ALS2CL: variants seen among roughly 807,000 people sequenced by gnomAD.
ALS2CL encodes ALS2 C-terminal-like protein.
Under a neutral mutation model 127.9 loss-of-function variants are expected in ALS2CL, and 112 were observed. The ratio of observed to expected loss-of-function variants is 0.88; its 90% CI spans 0.75 to 1.02. ALS2CL has a LOEUF of 1.02. Among genes scored for constraint, ALS2CL ranks in the 50% least tolerant of loss-of-function variants. The pLI is 0.00. For synonymous variants in ALS2CL, 519 were observed against 527.6 expected, an observed-to-expected ratio of 0.98 and a Z score of 0.22; for missense variants, 1,174 against 1,236.7, an observed-to-expected ratio of 0.95 and a Z score of 0.76.
Position 46,674,652 on chromosome 3 carries a change from C to T in ALS2CL, c.2343G>A (p.Glu781=), listed in dbSNP as rs758556450. The change falls in exon 21 of 26, where the codon GAG becomes GAA. Residue 781 remains glutamate (E), a synonymous_variant. Coordinates refer to ENST00000318962, the MANE Select transcript of ALS2CL (RefSeq NM_147129.5). ...CCTGGCTGTAGAAGCTGTCCTCCCG[C>T]TCATGAAGCAGCAGGTAGAGCGTGA... ...ELFTLYLLLH[E]REDSFYSQGI... The T allele has an allele frequency of 8.1e-6, 13 of 1,614,036 alleles. No individual in the cohort carries two copies. The highest frequency in any genetic ancestry group is 1.3e-5 in the African/African-American group (1 of 74,926).
chr3:46,672,215 G>A lies in ALS2CL; in HGVS notation c.2473-14C>T. The A allele has an allele frequency of 6.2e-7, 1 of 1,613,944 alleles. No homozygotes were observed. Among genetic ancestry groups the A allele is most frequent in the Non-Finnish European group, 8.5e-7 (1 of 1,179,986 alleles). ...CAGGGAGTACCTCTGCATGGTGGAG[G>A]GAGTGGGCTGGATGAGGCCATGGCC... On this transcript the variant is annotated splice_polypyrimidine_tract_variant and intron_variant, in intron 22 of 25. Transcript: ENST00000318962.
chr3:46,684,036 G>T lies in ALS2CL; in HGVS notation c.798C>A (p.Val266=). The change falls in exon 8 of 26, where the codon GTC becomes GTA. Residue 266 remains valine (V), a synonymous_variant. Transcript: ENST00000318962. The part of the protein sequence containing the change: ...DALVLLQGHN[V]HTFDLKLVWV... Reference sequence around the variant, plus strand: ...ACACCAGCTTCAGATCAAAGGTGTGGACATTGTGGCCCTGGAAGAGGATGG... The same window carrying T: ...ACACCAGCTTCAGATCAAAGGTGTGTACATTGTGGCCCTGGAAGAGGATGG... 5.1e-6 allele frequency: 8 copies of T among 1,559,240 alleles called. No homozygotes were observed. Among genetic ancestry groups the T allele is most frequent in the Non-Finnish European group, 7.0e-6 (8 of 1,150,892 alleles).
intron 1 of ALS2CL, 131 bp from the exon 2 acceptor site, chr3:46,689,596 C>T: frequency 1.6e-6 from 1 of 610,694 alleles, no homozygotes; most frequent in Non-Finnish European, 2.8e-6. Context: ...GCCCAGATCG[C>T]CTCAAAGGGG....
Position 46,678,286 on chromosome 3 carries a change from G to T in ALS2CL, c.1730C>A (p.Pro577Gln), listed in dbSNP as rs764709547. The T allele has an allele frequency of 1.9e-6, 3 of 1,604,866 alleles. 1 individual carries two copies. Among genetic ancestry groups the T allele is most frequent in the Middle Eastern group, 1.7e-4 (1 of 6,002 alleles). The change falls in exon 16 of 26, where the codon CCA (proline) becomes CAA (glutamine). Residue 577 changes from proline to glutamine, a missense_variant. Pro to Gln is a moderately conservative substitution (Grantham distance 76). Coordinates refer to ENST00000318962, the MANE Select transcript of ALS2CL (RefSeq NM_147129.5). ...TQGVLDTAALPPDPSSTCKRQ... is the reference protein window; with the variant it reads ...TQGVLDTAALQPDPSSTCKRQ... ...CTTGCAGGTACTGCTCGGGTCTGGT[G>T]GGAGGGCAGCCGTGTCCAGCACACC...
intron 14 of ALS2CL, chr3:46,679,511 AC>A (rs945168016): frequency 1.7e-5 from 6 of 344,696 alleles, no homozygotes; most frequent in Non-Finnish European, 3.2e-5. Flanking sequence ...CCCAAATGAC[AC>A]CCTCCGCCCT....
chr3:46,671,171 G>A (rs1167021688), intron 25 of ALS2CL, 107 bp from the exon 26 acceptor site: 3 of 1,231,286 alleles, frequency 2.4e-6, no homozygotes, highest in Non-Finnish European at 3.6e-6. Flanking sequence ...CAACCCAGAG[G>A]AGGCGTGTCT....
At position 46,681,082 on chromosome 3, in the gene ALS2CL, C is replaced by T. The variant is rs539188740; in HGVS notation, c.1436+164G>A. ...CCCTGCAGTCAGCGTGACCAAGATT[C>T]GCTCAGCCTGAGCCTCCGCAGCAAC... On this transcript the variant is annotated intron_variant, in intron 13 of 25. Coordinates refer to ENST00000318962, the MANE Select transcript of ALS2CL (RefSeq NM_147129.5). The surrounding 1 kb of genome is among the most constrained non-coding windows in gnomAD (Gnocchi z 4.9). 1.2e-5 allele frequency: 14 copies of T among 1,158,108 alleles called. No homozygotes were observed. The East Asian group carries it at 1.7e-4, about 14-fold the overall frequency. The allele number at this position is 1,158,108 out of a possible 1,614,324, so 71.7% of individuals were successfully genotyped here.
intron 2 of ALS2CL, 48 bp downstream of exon 2, chr3:46,689,290 G>A (rs964733149): frequency 4.4e-6 from 7 of 1,585,860 alleles, no homozygotes; most frequent in African/African-American, 4.0e-5. Context: ...CTGTCCCTGG[G>A]ATCATTCCTC....
At chr3:46,671,705 T>C in intron 24 of ALS2CL, 121 bp from the exon 25 acceptor site, 1 of 1,557,328 alleles carries the variant, frequency 6.4e-7, no homozygotes, top group Middle Eastern at 1.7e-4. Flanking sequence ...TGGTCCTCAC[T>C]CTACCTCTAG....
At chr3:46,691,467 G>A (rs1021233336) in intron 1 of ALS2CL, among the ~76,000 whole-genome samples, 6 of 151,988 alleles carry the variant, frequency 3.9e-5, no homozygotes, top group East Asian at 1.9e-4. Flanking sequence ...GACCCCAGCC[G>A]ACACCATACC....
intron 10 of ALS2CL, 131 bp from the exon 11 acceptor site, chr3:46,682,225 TC>T (rs1289499708): frequency 2.1e-6 from 2 of 949,708 alleles, no homozygotes; most frequent in African/African-American, 3.2e-5. Flanking sequence ...AGCCCTCTTG[TC>T]TGAGCTCCGA....
chr3:46,676,503 G>T, intron 18 of ALS2CL, 101 bp from the exon 19 acceptor site: 1 of 1,560,528 alleles, frequency 6.4e-7, no homozygotes, highest in South Asian at 1.2e-5. Flanking sequence ...TCATACACGA[G>T]AACACTGAGG....
rs774696908 is a variant in ALS2CL at position 46,681,470 on chromosome 3, C to G, written c.1274+30G>C. ...AGCTCAGCCCAGAGGATGGGCCCAG[C>G]CCATGAACCCCCCAGCCAGGGTCAC... is the stretch of plus-strand genomic sequence containing the variant. On this transcript the variant is annotated intron_variant, in intron 12 of 25. Coordinates refer to ENST00000318962, the MANE Select transcript of ALS2CL (RefSeq NM_147129.5). This position sits in a 1 kb window ranked among gnomAD's most constrained non-coding sequence, Gnocchi z 4.9. 1.9e-6 allele frequency: 3 copies of G among 1,613,878 alleles called. No individual in the cohort carries two copies. The highest frequency in any genetic ancestry group is 3.3e-5 in the Admixed American group (2 of 60,012).
chr3:46,682,464 C>G (rs1388616216), intron 10 of ALS2CL, among the ~76,000 whole-genome samples: 1 of 152,158 alleles, frequency 6.6e-6, no homozygotes, highest in East Asian at 1.9e-4. Flanking sequence ...TTTTTTCTGT[C>G]CTTTTGTTCA....
rs994712623 is a variant in ALS2CL, at chr3:46,681,185, C to T, written c.1436+61G>A. On this transcript the variant is annotated intron_variant, in intron 13 of 25. Coordinates refer to ENST00000318962, the MANE Select transcript of ALS2CL (RefSeq NM_147129.5). This position sits in a 1 kb window ranked among gnomAD's most constrained non-coding sequence, Gnocchi z 4.9. ...ACAGGAGCCTGTGTCCTGCAACAAT[C>T]TGGTCTGTGAGGGCCCGGTCCACCC... is the stretch of plus-strand genomic sequence containing the variant. 5 of 1,608,874 alleles carry T rather than the reference C, an allele frequency of 3.1e-6. No individual in the cohort carries two copies. The highest frequency in any genetic ancestry group is 1.6e-4 in the Middle Eastern group (1 of 6,072).
intron 11 of ALS2CL, 26 bp downstream of exon 11, chr3:46,682,003 C>T (rs1263540278): frequency 1.2e-6 from 2 of 1,612,916 alleles, no homozygotes; most frequent in African/African-American, 1.3e-5. Context: ...TGCACGCCTC[C>T]CAGCAGTAGC....
At chr3:46,680,669 A>T in intron 13 of ALS2CL, 128 bp from the exon 14 acceptor site, 1 of 761,238 alleles carries the variant, frequency 1.3e-6, no homozygotes, top group East Asian at 2.7e-5. Context: ...TCCACTCAAC[A>T]GACACAGTGC....
chr3:46,681,181 C>A lies in ALS2CL; in HGVS notation c.1436+65G>T. ...ACAAACAGGAGCCTGTGTCCTGCAACAATCTGGTCTGTGAGGGCCCGGTCC... is the reference window on the plus strand; with the variant it reads ...ACAAACAGGAGCCTGTGTCCTGCAAAAATCTGGTCTGTGAGGGCCCGGTCC... On this transcript the variant is annotated intron_variant, in intron 13 of 25. Transcript: ENST00000318962. The surrounding 1 kb of genome is among the most constrained non-coding windows in gnomAD (Gnocchi z 4.9). The A allele has an allele frequency of 6.2e-7, 1 of 1,607,588 alleles. No homozygotes were observed.
At chr3:46,679,378 T>C in intron 14 of ALS2CL, 91 bp from the exon 15 acceptor site, 112 of 938,160 alleles carry the variant, frequency 1.2e-4, no homozygotes, top group Non-Finnish European at 1.6e-4. Flanking sequence ...AGAAGGGAGA[T>C]GTGCCCTGAC....
Sources: allele counts gnomAD v4.1 joint callset (sites outside exome capture counted in the v4.1 genomes callset), GRCh38; gene constraint gnomAD v4.1.1; non-coding constraint Gnocchi (gnomAD v3.1); transcripts MANE v1.5; gene names NCBI Gene and HGNC (gene_info 2026-07-23, HGNC 2026-07-21).